The following SLC15A4 variants were observed in gnomAD, a reference collection of about 807,000 sequenced individuals.
SLC15A4 encodes the protein solute carrier family 15 member 4.
In SLC15A4, 26 loss-of-function variants were observed where a neutral mutation model predicts 46.1. The observed-to-expected ratio is 0.56, with a 90% CI of 0.41 to 0.78. SLC15A4 has a LOEUF of 0.78. Among genes scored for constraint, SLC15A4 ranks in the 30% least tolerant of loss-of-function variants. SLC15A4 has a pLI of 0.00. For missense variants in SLC15A4, 751 were observed against 755.7 expected (o/e 0.99, Z 0.07); for synonymous variants, 370 against 333.4 (o/e 1.11, Z -1.20).
chr12:128,811,389 A>G (rs940117009), intron 2 of SLC15A4, among the ~76,000 whole-genome samples: 2 of 152,258 alleles, frequency 1.3e-5, no homozygotes, highest in East Asian at 3.8e-4. Context: ...GGGGAAAAAT[A>G]GAAGCGCTGA....
chr12:128,810,214 A>G, intron 2 of SLC15A4, 103 bp from the exon 3 acceptor site: 4 of 1,105,970 alleles, frequency 3.6e-6, no homozygotes, highest in Non-Finnish European at 5.2e-6. Flanking sequence ...CACTGTATTG[A>G]ATCTGCTTCA....
chr12:128,797,539 T>C (rs548708363), intron 7 of SLC15A4, among the ~76,000 whole-genome samples: 1 of 152,112 alleles, frequency 6.6e-6, no homozygotes, highest in Non-Finnish European at 1.5e-5. Flanking sequence ...ATAACACTAA[T>C]AAAAGGAGCC....
At chr12:128,811,442 C>G (rs1194853718) in intron 2 of SLC15A4, among the ~76,000 whole-genome samples, 25 of 152,202 alleles carry the variant, frequency 1.6e-4, no homozygotes, top group Admixed American at 1.6e-3. Context: ...GACAAGAAAA[C>G]TAAGTTCGAT....
chr12:128,796,157 G>A (rs1200621493), intron 7 of SLC15A4, among the ~76,000 whole-genome samples: 1 of 152,126 alleles, frequency 6.6e-6, no homozygotes. Context: ...AGGCGCAGTG[G>A]CTTATGACTG....
intron 7 of SLC15A4, among the ~76,000 whole-genome samples, chr12:128,796,753 G>T (rs1388256889): frequency 6.6e-6 from 1 of 152,202 alleles, no homozygotes; most frequent in Non-Finnish European, 1.5e-5. Flanking sequence ...CTGAGACGAG[G>T]TTGTCATCAA....
At chr12:128,808,590 A>C (rs575487966) in intron 5 of SLC15A4, among the ~76,000 whole-genome samples, 198 bp downstream of exon 5, 1 of 152,238 alleles carries the variant, frequency 6.6e-6, no homozygotes, top group East Asian at 1.9e-4. Flanking sequence ...GTACCAGCAG[A>C]AAAATGACGT....
intron 7 of SLC15A4, among the ~76,000 whole-genome samples, chr12:128,797,634 T>C (rs945432297): frequency 6.6e-6 from 1 of 152,180 alleles, no homozygotes; most frequent in Non-Finnish European, 1.5e-5. Context: ...CAGAAAGCTA[T>C]TTCCTGTGTC....
intron 6 of SLC15A4, 23 bp from the exon 7 acceptor site, chr12:128,799,440 C>T (rs199776179): frequency 6.9e-5 from 111 of 1,612,830 alleles, no homozygotes; most frequent in Admixed American, 2.0e-4. Context: ...AAGGGAGGGT[C>T]GTTTTTGTGA....
chr12:128,800,216 A>T (rs915890319), intron 6 of SLC15A4, among the ~76,000 whole-genome samples: 1 of 152,198 alleles, frequency 6.6e-6, no homozygotes, highest in African/African-American at 2.4e-5. Flanking sequence ...GGAGATTTGT[A>T]GTGTATTCTA....
intron 5 of SLC15A4, 50 bp from the exon 6 acceptor site, chr12:128,801,059 G>C (rs779477769): frequency 1.3e-6 from 2 of 1,509,574 alleles, no homozygotes; most frequent in Non-Finnish European, 1.8e-6. Context: ...AACATTTACA[G>C]TTAATCTAAA....
chr12:128,808,648 T>C (rs1440300615), intron 5 of SLC15A4, 140 bp downstream of exon 5: 2 of 771,108 alleles, frequency 2.6e-6, no homozygotes, highest in South Asian at 1.8e-5. Context: ...ATTAGTGCTG[T>C]AAAATAACTG....
intron 2 of SLC15A4, among the ~76,000 whole-genome samples, chr12:128,810,757 C>T (rs1401322332): frequency 6.6e-6 from 1 of 152,116 alleles, no homozygotes. Flanking sequence ...CAGTAGGAAA[C>T]AGGGAGTGCC....
intron 1 of SLC15A4, chr12:128,816,017 AT>A (rs1436759098): frequency 6.6e-6 from 1 of 152,262 alleles, no homozygotes; most frequent in Admixed American, 6.5e-5. Flanking sequence ...TAGACTAAAG[AT>A]AAAACCACAT....
intron 7 of SLC15A4, among the ~76,000 whole-genome samples, chr12:128,795,613 C>T (rs550025852): frequency 1.3e-4 from 20 of 152,368 alleles, no homozygotes; most frequent in African/African-American, 4.8e-4. Context: ...ATCCCCCTTT[C>T]ACAGAGGTCT....
chr12:128,806,902 C>CTA lies in SLC15A4; in HGVS notation c.1258+1885_1258+1886insTA, dbSNP rs1555252813. ...TGATGTGCTGTGGATTTTGCTAGCG[C>CTA]TTTTTTTTTTTTTTTTTTTTGAGAC... On this transcript the variant is annotated intron_variant, in intron 5 of 7. Transcript: ENST00000266771. Among the ~76,000 whole-genome samples the CTA allele has an allele frequency of 5.5e-5, 6 of 108,320 alleles. No individual in the cohort carries two copies. The South Asian group carries it at 1.5e-3, about 27-fold the overall frequency. The allele number at this position is 108,320 out of a possible 152,430, so 71.1% of individuals were successfully genotyped here. A position where few individuals can be genotyped will look rare whatever the true frequency, so the allele number is the denominator to read the frequency against.
rs1318567461 is a variant in SLC15A4 at position 128,823,560 on chromosome 12, C to G, written c.384G>C (p.Thr128=). ...GCGCGGAACCGCAGAGCGCGGCTCGCGTGGCGGGCGCGGCCAGCAGCGGGA... is the reference window on the plus strand; with the variant it reads ...GCGCGGAACCGCAGAGCGCGGCTCGGGTGGCGGGCGCGGCCAGCAGCGGGA... ...LAFPLLAAPA[T]RAALCGSARL... The change falls in exon 1 of 8, where the codon ACG becomes ACC. Residue 128 remains threonine, a synonymous_variant. Coordinates refer to ENST00000266771, the MANE Select transcript of SLC15A4 (RefSeq NM_145648.4). The G allele has an allele frequency of 6.9e-7, 1 of 1,441,678 alleles. No individual in the cohort carries two copies. The highest frequency in any genetic ancestry group is 9.0e-7 in the Non-Finnish European group (1 of 1,105,212). The allele number at this position is 1,441,678 out of a possible 1,614,324, so 89.3% of individuals were successfully genotyped here.
rs1955732148 is a variant in SLC15A4, at chr12:128,815,039, C to T, written c.578G>A (p.Arg193Lys). 5 of 1,610,618 alleles carry T rather than the reference C, an allele frequency of 3.1e-6. No homozygotes were observed. Among genetic ancestry groups the T allele is most frequent in the Non-Finnish European group, 4.2e-6 (5 of 1,177,064 alleles). The change falls in exon 2 of 8, where the codon AGA (arginine) becomes AAA (lysine). Residue 193 changes from arginine (R) to lysine (K), a missense_variant. Arg to Lys is a conservative substitution (Grantham distance 26). Coordinates refer to ENST00000266771, the MANE Select transcript of SLC15A4 (RefSeq NM_145648.4). ...VKDRGPEATR[R>K]FFNWFYWSIN... ...GCTCCAATAAAACCAATTAAAAAAT[C>T]TCCTAGTGGCTTCCGGACCTCGATC...
chr12:128,809,638 G>C (rs911120351), intron 3 of SLC15A4, 165 bp from the exon 4 acceptor site: 1 of 585,920 alleles, frequency 1.7e-6, no homozygotes, highest in Admixed American at 3.5e-5. Flanking sequence ...TTTGGTCATC[G>C]TAAAGTCCTC....
chr12:128,808,714 G>C (rs1021166047), intron 5 of SLC15A4, 74 bp downstream of exon 5: 6 of 1,499,586 alleles, frequency 4.0e-6, no homozygotes, highest in Non-Finnish European at 5.5e-6. Context: ...GCACGACTGC[G>C]TGTGAGCACT....
Sources: allele counts gnomAD v4.1 joint callset (sites outside exome capture counted in the v4.1 genomes callset), GRCh38; gene constraint gnomAD v4.1.1; transcripts MANE v1.5; gene names NCBI Gene and HGNC (gene_info 2026-07-23, HGNC 2026-07-21).